Variants in TENM1 observed in about 807,000 individuals in gnomAD.
TENM1 encodes teneurin-1.
Under a neutral mutation model 174.8 loss-of-function variants are expected in TENM1, and 35 were observed. That is an observed-to-expected ratio of 0.20 (90% CI 0.15 to 0.27). The LOEUF (loss-of-function observed/expected upper bound fraction) is 0.27. TENM1 is among the 10% of genes least tolerant of loss of function. The pLI is 1.00. For missense variants in TENM1, 1,633 were observed against 2,130.1 expected (o/e 0.77, Z 4.59); for synonymous variants, 781 against 798.7 (o/e 0.98, Z 0.37).
At chrX:124,752,895 G>C (rs1304320520) in intron 3 of TENM1, among the ~76,000 whole-genome samples, 1 of 110,531 alleles carries the variant, frequency 9.0e-6, no homozygotes, top group Non-Finnish European at 1.9e-5. Flanking sequence ...GGTTACTGTA[G>C]CCTTGTAGTA....
At chrX:124,891,610 G>A (rs1181374036) in intron 3 of TENM1, among the ~76,000 whole-genome samples, 3 of 107,046 alleles carry the variant, frequency 2.8e-5, no homozygotes, top group East Asian at 5.9e-4. Flanking sequence ...AGTGAGCCAC[G>A]ATCGCACCAC....
At chrX:124,915,308 T>C (rs2057903029) in intron 1 of TENM1, among the ~76,000 whole-genome samples, 1 of 112,130 alleles carries the variant, frequency 8.9e-6, no homozygotes, top group Admixed American at 9.5e-5. Context: ...GCGGATCACC[T>C]GAGGTTAGGA....
intron 11 of TENM1, among the ~76,000 whole-genome samples, chrX:124,617,121 T>G (rs1409504545): frequency 8.9e-6 from 1 of 111,865 alleles, no homozygotes; most frequent in African/African-American, 3.2e-5. Flanking sequence ...CAGTTTTGAG[T>G]GCTGGTACTA....
At chrX:125,192,978 TA>T in the TENM1 span, among the ~76,000 whole-genome samples, 3 of 111,653 alleles carry the variant, frequency 2.7e-5, no homozygotes, top group Non-Finnish European at 5.7e-5. Context: ...TTTTTTCAGT[TA>T]TTTTTTTTCC....
intron 8 of TENM1, 93 bp from the exon 12 acceptor site, chrX:124,646,903 T>A: frequency 1.7e-6 from 1 of 605,241 alleles, no homozygotes; most frequent in South Asian, 3.5e-5. Flanking sequence ...TCTGGACCTA[T>A]GACAATTTTG....
intron 1 of TENM1, among the ~76,000 whole-genome samples, chrX:124,901,613 G>C (rs1486778114): frequency 1.8e-5 from 2 of 110,888 alleles, no homozygotes; most frequent in Non-Finnish European, 3.8e-5. Context: ...GAGTAGCTGG[G>C]ACTACAGGCA....
the TENM1 span, among the ~76,000 whole-genome samples, chrX:125,172,171 G>T: frequency 1.8e-5 from 2 of 111,274 alleles, no homozygotes; most frequent in Non-Finnish European, 3.8e-5. Flanking sequence ...AAGTCAAGTT[G>T]GAATCATGAA....
At chrX:125,064,870 G>T in the TENM1 span, among the ~76,000 whole-genome samples, 1 of 111,411 alleles carries the variant, frequency 9.0e-6, no homozygotes, top group African/African-American at 3.3e-5. Flanking sequence ...CCTCCAAAGT[G>T]CTGGGATTAC....
chrX:124,750,864 T>C lies in TENM1; in HGVS notation c.536-13667A>G, dbSNP rs184111546. The stretch of plus-strand genomic sequence containing the variant: ...ATTCCTCTTTATTGCAAACAATTAA[T>C]ATAAAATGCTGAGTCTGAACAGCTA... On this transcript the variant is annotated intron_variant, in intron 3 of 31. Transcript: ENST00000422452. Among the ~76,000 whole-genome samples, 382 of 112,391 alleles carry C rather than the reference T, an allele frequency of 3.4e-3. 4 individuals carry two copies. The highest frequency in any genetic ancestry group is 0.01 in the African/African-American group (320 of 30,983).
intron 11 of TENM1, among the ~76,000 whole-genome samples, chrX:124,590,176 T>A (rs1012736959): frequency 8.9e-6 from 1 of 111,962 alleles, no homozygotes; most frequent in Admixed American, 9.6e-5. Flanking sequence ...TACACAAAAG[T>A]CATTCAGGAG....
intron 3 of TENM1, among the ~76,000 whole-genome samples, chrX:124,849,050 C>A (rs1245267455): frequency 3.6e-5 from 4 of 111,058 alleles, no homozygotes; most frequent in Non-Finnish European, 5.7e-5. Context: ...GTAAAATTAT[C>A]CTTCAATAAT....
chrX:124,498,260 G>A (rs912210300), intron 19 of TENM1, among the ~76,000 whole-genome samples: 1 of 111,059 alleles, frequency 9.0e-6, no homozygotes, highest in African/African-American at 3.3e-5. Flanking sequence ...GTTGAAACCA[G>A]TTCTTTCTCC....
chrX:124,691,962 A>T (rs1048388548), intron 5 of TENM1, among the ~76,000 whole-genome samples: 7 of 111,909 alleles, frequency 6.3e-5, no homozygotes, highest in Admixed American at 9.5e-5. Context: ...TTTAAAATTT[A>T]AAAAAATTAC....
the TENM1 span, among the ~76,000 whole-genome samples, chrX:125,170,861 GC>G: frequency 1.6e-4 from 18 of 110,921 alleles, no homozygotes; most frequent in Admixed American, 6.7e-4. Context: ...ATGTCTTTGT[GC>G]TTTTACTTTA....
intron 5 of TENM1, among the ~76,000 whole-genome samples, chrX:124,701,840 G>A (rs1225071248): frequency 8.9e-6 from 1 of 111,910 alleles, no homozygotes; most frequent in Non-Finnish European, 1.9e-5. Flanking sequence ...TCACGTGCTG[G>A]ATTTCCACTG....
chrX:125,131,174 T>A, the TENM1 span, among the ~76,000 whole-genome samples: 1 of 112,349 alleles, frequency 8.9e-6, no homozygotes, highest in African/African-American at 3.2e-5. Context: ...TACTATTAAA[T>A]CCTAAGCTAC....
the TENM1 span, among the ~76,000 whole-genome samples, chrX:125,196,889 T>C: frequency 8.9e-6 from 1 of 111,828 alleles, no homozygotes; most frequent in Admixed American, 9.5e-5. Context: ...AGTATCTCTT[T>C]CTAATTTCTC....
intron 14 of TENM1, 36 bp from the exon 18 acceptor site, chrX:124,547,126 A>G: frequency 2.8e-6 from 3 of 1,068,289 alleles, no homozygotes; most frequent in Non-Finnish European, 3.9e-6. Flanking sequence ...TTGATTATTT[A>G]GCTTCAAGAG....
chrX:124,454,024 G>A (rs1382346444), intron 22 of TENM1, among the ~76,000 whole-genome samples: 5 of 111,201 alleles, frequency 4.5e-5, no homozygotes, highest in East Asian at 2.8e-4. Context: ...GGGAGTTGGC[G>A]AGCAAAATTA....
Sources: allele counts gnomAD v4.1 joint callset (sites outside exome capture counted in the v4.1 genomes callset), GRCh38; gene constraint gnomAD v4.1.1; transcripts MANE v1.5; gene names NCBI Gene and HGNC (gene_info 2026-07-23, HGNC 2026-07-21).